HERC1: variants seen among roughly 807,000 people sequenced by gnomAD.
HERC1 encodes HECT and RLD domain containing E3 ubiquitin protein ligase family member 1, also known as probable E3 ubiquitin-protein ligase HERC1.
Under a neutral mutation model 554.3 loss-of-function variants are expected in HERC1, and 160 were observed. That is an observed-to-expected ratio of 0.29 (90% CI 0.25 to 0.33). The LOEUF (loss-of-function observed/expected upper bound fraction) is 0.33. Among genes scored for constraint, HERC1 ranks in the 10% least tolerant of loss-of-function variants. The pLI, the probability that HERC1 is intolerant of heterozygous loss-of-function variation, is 1.00. For synonymous variants in HERC1, 2,175 were observed against 2,131.7 expected (o/e 1.02, Z -0.56); for missense variants, 4,919 against 5,918.5 (o/e 0.83, Z 5.54).
chr15:63,681,251 G>C (rs1445449518), intron 34 of HERC1, among the ~76,000 whole-genome samples: 1 of 152,098 alleles, frequency 6.6e-6, no homozygotes, highest in Non-Finnish European at 1.5e-5. Context: ...TCCCAGGCTG[G>C]AGTACAGTAG....
At chr15:63,706,999 T>TAG (rs2073040404) in intron 24 of HERC1, among the ~76,000 whole-genome samples, 168 bp from the exon 25 acceptor site, 1 of 152,166 alleles carries the variant, frequency 6.6e-6, no homozygotes, top group Non-Finnish European at 1.5e-5. Context: ...CCACTGAACA[T>TAG]AGCTATAAGG....
chr15:63,805,854 G>A (rs563318257), intron 1 of HERC1, among the ~76,000 whole-genome samples: 78 of 151,750 alleles, frequency 5.1e-4, no homozygotes, highest in African/African-American at 1.9e-3. Context: ...GAGGCAGGAG[G>A]ATTGCCTGAG....
At chr15:63,628,273 T>C (rs2068392299) in intron 70 of HERC1, among the ~76,000 whole-genome samples, 1 of 152,094 alleles carries the variant, frequency 6.6e-6, no homozygotes, top group Admixed American at 6.5e-5. Flanking sequence ...ATGCCTGTAG[T>C]CCCAGCTACT....
chr15:63,729,097 A>C lies in HERC1; in HGVS notation c.3154+139T>G, dbSNP rs149963604. On this transcript the variant is annotated intron_variant, in intron 16 of 77. Coordinates refer to ENST00000443617, the MANE Select transcript of HERC1 (RefSeq NM_003922.4). ...CACTGCTAACACTACCCCCAAACCA[A>C]GACTAAAGGAATCTTCAATAGAAGG... The C allele has an allele frequency of 5.1e-4, 406 of 803,068 alleles. 2 individuals carry two copies. The African/African-American group carries it at 6.5e-3, about 13-fold the overall frequency. 49.7% of individuals were successfully genotyped at this position (803,068 alleles called of 1,614,324 possible).
At position 63,785,404 on chromosome 15, in the gene HERC1, T is replaced by C. The variant is rs914228087; in HGVS notation, c.-26-9755A>G. On this transcript the variant is annotated intron_variant, in intron 1 of 77. Transcript: ENST00000443617. ...CTGCACTCCAGCCTGGGCAATAAGG[T>C]GAGACAAAGTCTCTTAAAAAAATTA... Among the ~76,000 whole-genome samples the C allele has an allele frequency of 3.3e-5, 5 of 152,042 alleles. No homozygotes were observed. The East Asian group carries it at 7.7e-4, about 23-fold the overall frequency.
At chr15:63,774,179 TTTC>T (rs1267867902) in intron 2 of HERC1, among the ~76,000 whole-genome samples, 1 of 152,200 alleles carries the variant, frequency 6.6e-6, no homozygotes, top group East Asian at 1.9e-4. Flanking sequence ...CTCTTTTATT[TTTC>T]TTCTTAGAAA....
rs2075424000 is a variant in HERC1 at position 63,756,433 on chromosome 15, A to G, written c.1533+4T>C. On this transcript the variant is annotated splice_donor_region_variant and intron_variant, in intron 5 of 77. Coordinates refer to ENST00000443617, the MANE Select transcript of HERC1 (RefSeq NM_003922.4). The surrounding 1 kb of genome is among the most constrained non-coding windows in gnomAD (Gnocchi z 5.0). The stretch of plus-strand genomic sequence containing the variant: ...ATTTTTATAACCAAAAAGAATGCAC[A>G]TACCTTTCCTTGTAGAGGTCCCTGA... The G allele has an allele frequency of 1.2e-6, 2 of 1,604,012 alleles. No individual in the cohort carries two copies. Among genetic ancestry groups the G allele is most frequent in the African/African-American group, 1.3e-5 (1 of 74,424 alleles).
At chr15:63,624,494 CAA>C (rs1483513827) in intron 71 of HERC1, among the ~76,000 whole-genome samples, 167 bp from the exon 72 acceptor site, 2 of 152,116 alleles carry the variant, frequency 1.3e-5, no homozygotes, top group Non-Finnish European at 2.9e-5. Context: ...CCCAGGAGTT[CAA>C]GACTAGCCTG....
intron 1 of HERC1, among the ~76,000 whole-genome samples, chr15:63,790,979 T>G (rs1172590281): frequency 6.6e-6 from 1 of 152,192 alleles, no homozygotes; most frequent in Admixed American, 6.5e-5. Flanking sequence ...TTTACGAACA[T>G]CATTTTAACA....
At chr15:63,671,969 A>T (rs2070951726) in intron 39 of HERC1, among the ~76,000 whole-genome samples, 1 of 152,230 alleles carries the variant, frequency 6.6e-6, no homozygotes, top group Admixed American at 6.5e-5. Flanking sequence ...AAATTTAAGT[A>T]AGCATCACTT....
intron 1 of HERC1, among the ~76,000 whole-genome samples, chr15:63,820,236 C>T (rs1483361033): frequency 6.6e-6 from 1 of 152,082 alleles, no homozygotes; most frequent in African/African-American, 2.4e-5. Flanking sequence ...CCCACCACAC[C>T]ACCATCATTA....
chr15:63,748,465 G>C (rs934609743), intron 10 of HERC1, among the ~76,000 whole-genome samples: 1 of 152,006 alleles, frequency 6.6e-6, no homozygotes, highest in Admixed American at 6.6e-5. Flanking sequence ...CTGGTTCTAA[G>C]AGTCCAGAAA....
rs191190618 is a variant in HERC1, at chr15:63,760,223, T to C, written c.1027-1854A>G. The stretch of plus-strand genomic sequence containing the variant: ...ACTGGAAAACGACTTTTTTTTAACA[T>C]TACACACAAAAAAAAACAGAGGGAG... On this transcript the variant is annotated intron_variant, in intron 3 of 77. Coordinates refer to ENST00000443617, the MANE Select transcript of HERC1 (RefSeq NM_003922.4). 1.7e-3 allele frequency among the ~76,000 whole-genome samples: 251 copies of C among 150,984 alleles called. 1 individual carries two copies. Among genetic ancestry groups the C allele is most frequent in the Admixed American group, 7.0e-3 (107 of 15,232 alleles).
intron 69 of HERC1, among the ~76,000 whole-genome samples, chr15:63,629,829 G>A (rs1233953799): frequency 6.6e-6 from 1 of 152,196 alleles, no homozygotes; most frequent in Non-Finnish European, 1.5e-5. Flanking sequence ...GGAAGGGGAA[G>A]TGGCTCTGCA....
intron 2 of HERC1, among the ~76,000 whole-genome samples, chr15:63,764,863 G>A (rs1024242246): frequency 4.6e-5 from 7 of 152,206 alleles, no homozygotes; most frequent in African/African-American, 1.7e-4. Context: ...CTCAGGAGCT[G>A]GGTGAGTGGG....
chr15:63,640,087 G>C, intron 61 of HERC1, 65 bp downstream of exon 61: 1 of 1,468,412 alleles, frequency 6.8e-7, no homozygotes, highest in African/African-American at 1.4e-5. Flanking sequence ...TTAGGGGTCT[G>C]CTACATGCCC....
At chr15:63,820,324 T>C (rs2077643510) in intron 1 of HERC1, among the ~76,000 whole-genome samples, 1 of 152,230 alleles carries the variant, frequency 6.6e-6, no homozygotes, top group African/African-American at 2.4e-5. Flanking sequence ...AGGCAGATAC[T>C]ATGATCATAT....
Position 63,734,149 on chromosome 15 carries a change from A to T in HERC1, c.2646+575T>A, listed in dbSNP as rs2074407009. Among the ~76,000 whole-genome samples the T allele has an allele frequency of 6.6e-6, 1 of 152,206 alleles. No individual in the cohort carries two copies. On this transcript the variant is annotated intron_variant, in intron 13 of 77. Coordinates refer to ENST00000443617, the MANE Select transcript of HERC1 (RefSeq NM_003922.4). This position sits in a 1 kb window ranked among gnomAD's most constrained non-coding sequence, Gnocchi z 4.6. Reference sequence around the variant, plus strand: ...ACCACCCTACTCCAGCGTGGATGACAGAGCAAGACTCTGTCTCCAAAAAAA... The same window carrying T: ...ACCACCCTACTCCAGCGTGGATGACTGAGCAAGACTCTGTCTCCAAAAAAA...
intron 1 of HERC1, among the ~76,000 whole-genome samples, chr15:63,795,993 G>A (rs1403019238): frequency 6.6e-6 from 1 of 152,206 alleles, no homozygotes; most frequent in Admixed American, 6.5e-5. Flanking sequence ...AAGCATGCCA[G>A]GGCAAATATT....
Sources: allele counts gnomAD v4.1 joint callset (sites outside exome capture counted in the v4.1 genomes callset), GRCh38; gene constraint gnomAD v4.1.1; non-coding constraint Gnocchi (gnomAD v3.1); transcripts MANE v1.5; gene names NCBI Gene and HGNC (gene_info 2026-07-23, HGNC 2026-07-21).